The following KIF25 variants were observed in gnomAD, a reference collection of about 807,000 sequenced individuals.
KIF25 encodes the protein kinesin-like protein KIF25.
KIF25 carries 19 observed loss-of-function variants against 32.9 expected under a neutral mutation model. That is an observed-to-expected ratio of 0.58 (90% CI 0.40 to 0.85). The LOEUF (loss-of-function observed/expected upper bound fraction) is 0.85. Ranked by LOEUF, KIF25 falls within the 40% of genes least tolerant of loss-of-function variation. The pLI is 0.00. For synonymous variants in KIF25, 225 were observed against 213.7 expected (o/e 1.05, Z -0.46); for missense variants, 485 against 507.0 (o/e 0.96, Z 0.42).
chr6:168,035,778 G>C (rs1384833521), intron 8 of KIF25: 1 of 456,216 alleles, frequency 2.2e-6, no homozygotes, highest in Admixed American at 2.3e-5. Context: ...CCCTCAGTCA[G>C]AGTCTCAGAA....
intron 5 of KIF25, among the ~76,000 whole-genome samples, chr6:168,026,485 G>A (rs1030685136): frequency 2.0e-5 from 3 of 152,090 alleles, no homozygotes; most frequent in South Asian, 4.1e-4. Flanking sequence ...TATAAACAGT[G>A]GAGCATATGG....
intron 7 of KIF25, among the ~76,000 whole-genome samples, chr6:168,031,567 G>A (rs73042823): frequency 0.034 from 5,163 of 152,334 alleles, 101 homozygotes; most frequent in Non-Finnish European, 0.049. Flanking sequence ...GACCACGCAC[G>A]CACGCGGGGC....
intron 5 of KIF25, among the ~76,000 whole-genome samples, chr6:168,026,893 T>C (rs77700859): frequency 1.3e-5 from 2 of 152,184 alleles, no homozygotes; most frequent in Admixed American, 6.5e-5. Flanking sequence ...ACTGACACAT[T>C]TGTGTGAAAT....
At chr6:168,012,653 A>G (rs1798663674) in intron 4 of KIF25, among the ~76,000 whole-genome samples, 1 of 152,168 alleles carries the variant, frequency 6.6e-6, no homozygotes, top group Admixed American at 6.5e-5. Context: ...TGTGCCTGCC[A>G]GGAGTGACTT....
intron 5 of KIF25, among the ~76,000 whole-genome samples, chr6:168,028,346 G>A (rs370454137): frequency 7.2e-5 from 11 of 151,988 alleles, no homozygotes; most frequent in African/African-American, 2.7e-4. Context: ...CATCGTGCCC[G>A]GCCTGTAACA....
intron 4 of KIF25, among the ~76,000 whole-genome samples, chr6:168,014,540 G>C (rs1196210252): frequency 6.6e-6 from 1 of 152,200 alleles, no homozygotes; most frequent in African/African-American, 2.4e-5. Context: ...CATCAAATCT[G>C]CTGAGAAAGC....
chr6:168,009,168 A>T (rs1290653708), intron 4 of KIF25, among the ~76,000 whole-genome samples: 1 of 152,102 alleles, frequency 6.6e-6, no homozygotes, highest in African/African-American at 2.4e-5. Context: ...CTTAAAGAAA[A>T]AGCTGAAAGA....
intron 4 of KIF25, among the ~76,000 whole-genome samples, chr6:168,006,115 A>G (rs754429361): frequency 4.1e-4 from 63 of 152,172 alleles, no homozygotes; most frequent in Admixed American, 1.5e-3. Flanking sequence ...CTGATGCCAA[A>G]GTGGCATATT....
chr6:168,027,798 G>A (rs1798884667), intron 5 of KIF25, among the ~76,000 whole-genome samples: 1 of 152,222 alleles, frequency 6.6e-6, no homozygotes, highest in Non-Finnish European at 1.5e-5. Flanking sequence ...TCTTCAGAGC[G>A]AAGTTGAGTC....
At position 168,039,991 on chromosome 6, in the gene KIF25, G is replaced by A. The variant is rs970056794; in HGVS notation, c.495-74G>A. ...CTCATGTGAGAGGCTTCCCTGAGCC[G>A]AGGAGTCTTGGAAGTCGCCTTAGGT... On this transcript the variant is annotated intron_variant, in intron 9 of 12. Coordinates refer to ENST00000643607, the MANE Select transcript of KIF25 (RefSeq NM_030615.4). The A allele has an allele frequency of 4.4e-5, 66 of 1,508,050 alleles. No individual in the cohort carries two copies. In the East Asian group the frequency reaches 1.1e-3, roughly 26 times the overall value. The allele number at this position is 1,508,050 out of a possible 1,614,324, so 93.4% of individuals were successfully genotyped here. A position where few individuals can be genotyped will look rare whatever the true frequency, so the allele number is the denominator to read the frequency against.
intron 4 of KIF25, among the ~76,000 whole-genome samples, chr6:168,008,343 A>G (rs759363699): frequency 3.3e-5 from 5 of 152,104 alleles, no homozygotes; most frequent in African/African-American, 4.8e-5. Context: ...CCTTTCCTCA[A>G]TGAGTGTTCT....
At chr6:168,015,598 G>A (rs901349082) in intron 4 of KIF25, among the ~76,000 whole-genome samples, 2 of 152,204 alleles carry the variant, frequency 1.3e-5, no homozygotes, top group Non-Finnish European at 2.9e-5. Context: ...GTCCCATCTT[G>A]AAAAGAAGGA....
chr6:168,005,704 A>G lies in KIF25; in HGVS notation c.-163+2001A>G, dbSNP rs1303172575. Among the ~76,000 whole-genome samples, 5 of 152,220 alleles carry G rather than the reference A, an allele frequency of 3.3e-5. No homozygotes were observed. In the East Asian group the frequency reaches 9.6e-4, roughly 29 times the overall value. On this transcript the variant is annotated intron_variant, in intron 4 of 12. Coordinates refer to ENST00000643607, the MANE Select transcript of KIF25 (RefSeq NM_030615.4). ...TGTTCGAGGGTAGGAAGCATCCAGC[A>G]CGGGAGAAGGATGTAGGCTGGGAGG...
intron 4 of KIF25, among the ~76,000 whole-genome samples, chr6:168,016,891 C>T (rs1798722074): frequency 6.6e-6 from 1 of 152,232 alleles, no homozygotes; most frequent in Non-Finnish European, 1.5e-5. Context: ...TGTCCCCAGG[C>T]AGCGCGGGGC....
chr6:168,030,717 G>T, intron 6 of KIF25, 56 bp from the exon 7 acceptor site: 1 of 1,444,498 alleles, frequency 6.9e-7, no homozygotes. Flanking sequence ...GAGTCTGCAT[G>T]CTAGAGCCGC....
intron 2 of KIF25, among the ~76,000 whole-genome samples, chr6:168,000,173 A>C (rs1207202774): frequency 3.5e-5 from 2 of 57,834 alleles, no homozygotes; most frequent in African/African-American, 7.0e-5. Context: ...GACCCTCCCC[A>C]CTCCCATCCT....
At chr6:168,011,276 T>G (rs1428651041) in intron 4 of KIF25, among the ~76,000 whole-genome samples, 1 of 152,156 alleles carries the variant, frequency 6.6e-6, no homozygotes, top group Non-Finnish European at 1.5e-5. Context: ...CTTTTTGCAT[T>G]GGCTATACAA....
intron 10 of KIF25, among the ~76,000 whole-genome samples, chr6:168,041,057 C>G: frequency 6.6e-6 from 1 of 152,184 alleles, no homozygotes; most frequent in South Asian, 2.1e-4. Flanking sequence ...AAGGATGCGG[C>G]TCCGGGGACC....
intron 5 of KIF25, among the ~76,000 whole-genome samples, chr6:168,022,948 C>T (rs1410293529): frequency 2.0e-5 from 3 of 152,008 alleles, no homozygotes; most frequent in Admixed American, 2.0e-4. Flanking sequence ...TGCTCACTTG[C>T]GGTGCAGGTG....
Sources: gnomAD v4.1 joint callset for allele counts (sites outside exome capture counted in the v4.1 genomes callset) on GRCh38, gnomAD v4.1.1 for gene constraint, MANE v1.5 for transcripts, NCBI Gene and HGNC (gene_info 2026-07-23, HGNC 2026-07-21) for gene names.